Variants in ATP11A observed in about 807,000 individuals in gnomAD.
The protein encoded by ATP11A is ATPase phospholipid transporting 11A.
In ATP11A, 81 loss-of-function variants were observed where a neutral mutation model predicts 154.4. The ratio of observed to expected loss-of-function variants is 0.52; its 90% CI spans 0.44 to 0.63. The LOEUF is 0.63. Among genes scored for constraint, ATP11A ranks in the 30% least tolerant of loss-of-function variants. ATP11A has a pLI of 0.00. For missense variants in ATP11A, 1,316 were observed against 1,474.3 expected (o/e 0.89, Z 1.76); for synonymous variants, 623 against 585.9 (o/e 1.06, Z -0.91).
chr13:112,778,234 C>T (rs774485915), intron 1 of ATP11A, among the ~76,000 whole-genome samples: 2 of 152,236 alleles, frequency 1.3e-5, no homozygotes, highest in Admixed American at 6.5e-5. Flanking sequence ...CCACGTGCCT[C>T]TCATCAGTGT....
rs961124549 is a variant in ATP11A, at chr13:112,690,833, G to A, written c.39+378G>A. Among the ~76,000 whole-genome samples the A allele has an allele frequency of 6.6e-6, 1 of 152,214 alleles. No homozygotes were observed. The highest frequency in any genetic ancestry group is 1.5e-5 in the Non-Finnish European group (1 of 68,028). On this transcript the variant is annotated intron_variant, in intron 1 of 29. Transcript: ENST00000375645. The surrounding 1 kb of genome is among the most constrained non-coding windows in gnomAD (Gnocchi z 5.6). ...GCCAACTTCGACCCCGCCGGGGCCC[G>A]GGTCTGGGGAGGAACCTTCAGATGC...
At chr13:112,857,095 T>A (rs1432645780) in intron 20 of ATP11A, among the ~76,000 whole-genome samples, 1 of 152,240 alleles carries the variant, frequency 6.6e-6, no homozygotes, top group East Asian at 1.9e-4. Flanking sequence ...TCCATAGTAC[T>A]TTTTTAAGTT....
At chr13:112,706,973 G>T (rs533850026) in intron 1 of ATP11A, among the ~76,000 whole-genome samples, 1 of 152,172 alleles carries the variant, frequency 6.6e-6, no homozygotes, top group Non-Finnish European at 1.5e-5. Context: ...TGGAAAAGAC[G>T]TTAGACAAAA....
chr13:112,769,185 C>T (rs1005988349), intron 1 of ATP11A, among the ~76,000 whole-genome samples: 1 of 152,204 alleles, frequency 6.6e-6, no homozygotes, highest in East Asian at 1.9e-4. Flanking sequence ...CCCCACTTGC[C>T]TTTCTCTTCT....
At chr13:112,810,526 A>C (rs2078460687) in intron 4 of ATP11A, 93 bp from the exon 5 acceptor site, 1 of 1,046,686 alleles carries the variant, frequency 9.6e-7, no homozygotes, top group East Asian at 2.4e-5. Flanking sequence ...ATGCTTAGAC[A>C]TAATTAAACA....
chr13:112,821,546 G>T (rs2078797658), intron 8 of ATP11A, among the ~76,000 whole-genome samples: 1 of 152,168 alleles, frequency 6.6e-6, no homozygotes, highest in South Asian at 2.1e-4. Flanking sequence ...AACGCCCTCA[G>T]GTGATTCACC....
At chr13:112,800,028 A>C (rs1390911023) in intron 2 of ATP11A, among the ~76,000 whole-genome samples, 2 of 152,244 alleles carry the variant, frequency 1.3e-5, no homozygotes, top group Non-Finnish European at 2.9e-5. Flanking sequence ...GGGATGCAGG[A>C]AAAGCAGTGC....
chr13:112,772,129 CCTTAT>C (rs1198131117), intron 1 of ATP11A, among the ~76,000 whole-genome samples: 1 of 152,166 alleles, frequency 6.6e-6, no homozygotes, highest in African/African-American at 2.4e-5. Flanking sequence ...AAGCAAATCA[CCTTAT>C]CTTTGTTGGC....
At chr13:112,707,873 T>A (rs1312167351) in intron 1 of ATP11A, among the ~76,000 whole-genome samples, 1 of 152,204 alleles carries the variant, frequency 6.6e-6, no homozygotes, top group Non-Finnish European at 1.5e-5. Flanking sequence ...CACTGTCTGG[T>A]GGCCTGTGCC....
At chr13:112,758,350 C>T (rs1003824131) in intron 1 of ATP11A, among the ~76,000 whole-genome samples, 1 of 152,120 alleles carries the variant, frequency 6.6e-6, no homozygotes, top group Non-Finnish European at 1.5e-5. Context: ...GCTTGAGCCA[C>T]CACACCTGGC....
chr13:112,873,039 C>A (rs113070730), intron 26 of ATP11A, among the ~76,000 whole-genome samples: 1 of 40,202 alleles, frequency 2.5e-5, no homozygotes, highest in African/African-American at 1.8e-4. Flanking sequence ...TCTTCTGGAG[C>A]GGTGTGAGGT....
At position 112,873,641 on chromosome 13, in the gene ATP11A, C is replaced by T. The variant is rs189274616; in HGVS notation, c.3126C>T (p.Tyr1042=). ...HFVIWGSLLF[Y]VVFSLLWGGV... ...TCATCTGGGGGTCGCTGCTGTTCTA[C>T]GTTGTCTTTTCGCTTCTCTGGGGAG... Residue 1042 remains tyrosine, a synonymous_variant, in exon 27 of 30, where the codon TAC becomes TAT. Transcript: ENST00000375645. The T allele has an allele frequency of 2.5e-4, 405 of 1,613,690 alleles. No homozygotes were observed. The East Asian group carries it at 7.3e-3, about 29-fold the overall frequency.
chr13:112,814,939 G>A (rs966667329), intron 5 of ATP11A, among the ~76,000 whole-genome samples: 1 of 152,186 alleles, frequency 6.6e-6, no homozygotes, highest in Non-Finnish European at 1.5e-5. Flanking sequence ...AGGTCCATTT[G>A]GGAAGAGTAA....
intron 11 of ATP11A, among the ~76,000 whole-genome samples, chr13:112,826,211 G>A (rs894783842): frequency 6.6e-6 from 1 of 152,200 alleles, no homozygotes; most frequent in Admixed American, 6.5e-5. Context: ...TCCAGAGCGG[G>A]GCTATCTCTG....
chr13:112,740,950 G>A (rs1198627753), intron 1 of ATP11A, among the ~76,000 whole-genome samples: 1 of 152,244 alleles, frequency 6.6e-6, no homozygotes, highest in Non-Finnish European at 1.5e-5. Context: ...GGATTTGGGA[G>A]CATTTTAAAA....
At chr13:112,744,366 G>A (rs1055500521) in intron 1 of ATP11A, among the ~76,000 whole-genome samples, 3 of 151,426 alleles carry the variant, frequency 2.0e-5, no homozygotes, top group Admixed American at 1.3e-4. Flanking sequence ...ACCCGGCTTC[G>A]GATGGTCTGG....
intron 17 of ATP11A, among the ~76,000 whole-genome samples, chr13:112,843,841 A>G (rs557084979): frequency 1.3e-5 from 2 of 152,168 alleles, no homozygotes; most frequent in Non-Finnish European, 2.9e-5. Flanking sequence ...TTACGTTGCT[A>G]TTAAAACAGC....
At chr13:112,755,907 C>G (rs381736) in intron 1 of ATP11A, among the ~76,000 whole-genome samples, 3,933 of 62,786 alleles carry the variant, frequency 0.063, 107 homozygotes, top group African/African-American at 0.14. Flanking sequence ...AACCATTTCC[C>G]GTCACGGAAG....
At chr13:112,865,083 G>A (rs1232940843) in intron 25 of ATP11A, among the ~76,000 whole-genome samples, 1 of 121,828 alleles carries the variant, frequency 8.2e-6, no homozygotes, top group Non-Finnish European at 1.7e-5. Flanking sequence ...ATCACCACAT[G>A]GGCAGTAATT....
Sources: gnomAD v4.1 joint callset for allele counts (sites outside exome capture counted in the v4.1 genomes callset) on GRCh38, gnomAD v4.1.1 for gene constraint, Gnocchi (gnomAD v3.1) non-coding constraint, MANE v1.5 for transcripts, NCBI Gene and HGNC (gene_info 2026-07-23, HGNC 2026-07-21) for gene names.